The following ZNF80 variants were observed in gnomAD, a reference collection of about 807,000 sequenced individuals.
The protein encoded by ZNF80 is ZNFPT17.
For synonymous variants in ZNF80, 132 were observed against 119.4 expected (o/e 1.11, Z -0.69); for missense variants, 394 against 334.1 (o/e 1.18, Z -1.40).
chr3:114,235,935 C>T lies in ZNF80; in HGVS notation c.*318G>A, dbSNP rs554577780. 162 of 227,264 alleles carry T rather than the reference C, an allele frequency of 7.1e-4. No individual in the cohort carries two copies. In the South Asian group the frequency reaches 7.2e-3, roughly 10 times the overall value. The allele number at this position is 227,264 out of a possible 1,614,324, so 14.1% of individuals were successfully genotyped here. A position where few individuals can be genotyped will look rare whatever the true frequency, so the allele number is the denominator to read the frequency against. ...AAGTGCACAATAACCAACAGGTCTCCCTCCTGGAAAAATTCTCAGATGCTG... is the reference window on the plus strand; with the variant it reads ...AAGTGCACAATAACCAACAGGTCTCTCTCCTGGAAAAATTCTCAGATGCTG... On this transcript the variant is annotated 3_prime_UTR_variant, in exon 1 of 1. Coordinates refer to ENST00000482457, the MANE Select transcript of ZNF80 (RefSeq NM_007136.4).
Position 114,237,088 on chromosome 3 carries a change from G to A in ZNF80, c.-14C>T. On this transcript the variant is annotated 5_prime_UTR_variant, in exon 1 of 1. Coordinates refer to ENST00000482457, the MANE Select transcript of ZNF80 (RefSeq NM_007136.4). ...TTTAGGGCTCATCTTCCTCCAGAAGGTCTCCGTGTGGGAGACTGCAGCCAA... is the reference window on the plus strand; with the variant it reads ...TTTAGGGCTCATCTTCCTCCAGAAGATCTCCGTGTGGGAGACTGCAGCCAA... The A allele has an allele frequency of 6.4e-7, 1 of 1,571,412 alleles. No homozygotes were observed. The highest frequency in any genetic ancestry group is 8.6e-7 in the Non-Finnish European group (1 of 1,160,064).
At position 114,236,130 on chromosome 3, in the gene ZNF80, A is replaced by G; in HGVS notation, c.*123T>C. On this transcript the variant is annotated 3_prime_UTR_variant, in exon 1 of 1. Coordinates refer to ENST00000482457, the MANE Select transcript of ZNF80 (RefSeq NM_007136.4). ...AGGAATTCTTCAATGCCAAGTGAGG[A>G]TGAGCTGCAGGTCACAGCTTTCCTA... 2 of 698,764 alleles carry G rather than the reference A, an allele frequency of 2.9e-6. No homozygotes were observed. The highest frequency in any genetic ancestry group is 4.7e-6 in the Non-Finnish European group (2 of 421,192). The allele number at this position is 698,764 out of a possible 1,614,324, so 43.3% of individuals were successfully genotyped here.
rs2078205789 is a variant in ZNF80, at chr3:114,236,802, G to C, written c.273C>G (p.Asp91Glu). The change falls in exon 1 of 1, where the codon GAC (aspartate) becomes GAG (glutamate). Residue 91 changes from aspartate to glutamate, a missense_variant. Asp to Glu is a conservative substitution (Grantham distance 45). Coordinates refer to ENST00000482457, the MANE Select transcript of ZNF80 (RefSeq NM_007136.4). ...ECGKAFPEKV[D>E]FVRPMRIHTG... The stretch of plus-strand genomic sequence containing the variant: ...TGTGAATCCTCATGGGTCGAACGAA[G>C]TCGACCTTTTCAGGAAAGGCTTTTC... 1.2e-6 allele frequency: 2 copies of C among 1,614,120 alleles called. No individual in the cohort carries two copies. The highest frequency in any genetic ancestry group is 4.5e-5 in the East Asian group (2 of 44,878).
Position 114,237,094 on chromosome 3 carries a change from G to A in ZNF80, c.-20C>T, listed in dbSNP as rs747792956. ...GCTCATCTTCCTCCAGAAGGTCTCC[G>A]TGTGGGAGACTGCAGCCAAACTCAA... On this transcript the variant is annotated 5_prime_UTR_variant, in exon 1 of 1. It adds an upstream start codon to the 5' untranslated region. Coordinates refer to ENST00000482457, the MANE Select transcript of ZNF80 (RefSeq NM_007136.4). The A allele has an allele frequency of 1.9e-5, 29 of 1,561,694 alleles. No individual in the cohort carries two copies. In the East Asian group the frequency reaches 5.2e-4, roughly 28 times the overall value.
rs144045417 is a variant in ZNF80 at position 114,236,542 on chromosome 3, C to T, written c.533G>A (p.Arg178Gln). The stretch of plus-strand genomic sequence containing the variant: ...CTCTCCAGTGTGAATCTTCATGTGC[C>T]GGGTTAAGGAAGAGTTGTAGTAAAA... ...KTFYYNSSLT[R>Q]HMKIHTGEKP... Residue 178 changes from arginine (R) to glutamine (Q), a missense_variant, in exon 1 of 1, where the codon CGG (arginine) becomes CAG (glutamine). Physicochemically the swap from Arg to Gln is conservative, Grantham distance 43. Transcript: ENST00000482457. 5.0e-6 allele frequency: 8 copies of T among 1,614,088 alleles called. No homozygotes were observed. The highest frequency in any genetic ancestry group is 4.5e-5 in the East Asian group (2 of 44,896).
At position 114,235,891 on chromosome 3, in the gene ZNF80, A is replaced by C. The variant is rs1235113473; in HGVS notation, c.*362T>G. The C allele has an allele frequency of 5.7e-6, 1 of 175,224 alleles. No homozygotes were observed. The allele number at this position is 175,224 out of a possible 1,614,324, so 10.9% of individuals were successfully genotyped here. On this transcript the variant is annotated 3_prime_UTR_variant, in exon 1 of 1. Coordinates refer to ENST00000482457, the MANE Select transcript of ZNF80 (RefSeq NM_007136.4). The stretch of plus-strand genomic sequence containing the variant: ...GCTTAGTGATATAAACTATGGAGAG[A>C]GGTGTGGGTGGTTCTTTTAAGTGCA...
Position 114,236,141 on chromosome 3 carries a change from G to T in ZNF80, c.*112C>A. 1 of 768,746 alleles carries T rather than the reference G, an allele frequency of 1.3e-6. No homozygotes were observed. The highest frequency in any genetic ancestry group is 2.1e-6 in the Non-Finnish European group (1 of 477,088). The allele number at this position is 768,746 out of a possible 1,614,324, so 47.6% of individuals were successfully genotyped here. Reference sequence around the variant, plus strand: ...AATGCCAAGTGAGGATGAGCTGCAGGTCACAGCTTTCCTACTGCCACTGAA... The same window carrying T: ...AATGCCAAGTGAGGATGAGCTGCAGTTCACAGCTTTCCTACTGCCACTGAA... On this transcript the variant is annotated 3_prime_UTR_variant, in exon 1 of 1. Transcript: ENST00000482457.
Position 114,236,693 on chromosome 3 carries a change from T to C in ZNF80, c.382A>G (p.Thr128Ala). 1 of 1,614,212 alleles carries C rather than the reference T, an allele frequency of 6.2e-7. No homozygotes were observed. Among genetic ancestry groups the C allele is most frequent in the Non-Finnish European group, 8.5e-7 (1 of 1,180,034 alleles). Residue 128 changes from threonine to alanine, a missense_variant, in exon 1 of 1, where the codon ACT becomes GCT. Thr to Ala is a moderately conservative substitution (Grantham distance 58). Transcript: ENST00000482457. ...SHLLCYRQIH[T>A]GEKPYECSEC... ...CTGCACTCATAGGGCTTCTCTCCAG[T>C]GTGAATCTGGCGGTAGCACAGGAGG...
chr3:114,236,908 C>T lies in ZNF80; in HGVS notation c.167G>A (p.Ser56Asn), dbSNP rs1159997936. The T allele has an allele frequency of 6.2e-7, 1 of 1,614,216 alleles. No individual in the cohort carries two copies. The highest frequency in any genetic ancestry group is 1.7e-5 in the Admixed American group (1 of 60,034). The change falls in exon 1 of 1, where the codon AGC becomes AAC. Residue 56 changes from serine (S) to asparagine (N), a missense_variant. By Grantham distance (46) the Ser-to-Asn change is conservative. Coordinates refer to ENST00000482457, the MANE Select transcript of ZNF80 (RefSeq NM_007136.4). Reference sequence around the variant, plus strand: ...AAGGAGGCTGTTTTTGTTAAACACGCTCCCACATTCCTTGCATTTGTAGGT... The same window carrying T: ...AAGGAGGCTGTTTTTGTTAAACACGTTCCCACATTCCTTGCATTTGTAGGT... ...GKTYKCKECG[S>N]VFNKNSLLVR...
Position 114,236,764 on chromosome 3 carries a change from G to A in ZNF80, c.311C>T (p.Pro104Leu). 1.9e-6 allele frequency: 3 copies of A among 1,614,108 alleles called. No homozygotes were observed. Among genetic ancestry groups the A allele is most frequent in the Non-Finnish European group, 2.5e-6 (3 of 1,180,000 alleles). Residue 104 changes from proline to leucine, a missense_variant, in exon 1 of 1, where the codon CCC becomes CTC. By Grantham distance (98) the Pro-to-Leu change is moderately conservative (BLOSUM62 -3). Coordinates refer to ENST00000482457, the MANE Select transcript of ZNF80 (RefSeq NM_007136.4). ...CTTCCCGCACTCCACGCACTTACAG[G>A]GCTTCTCCCCTGTGTGAATCCTCAT... ...RPMRIHTGEK[P>L]CKCVECGKVF...
chr3:114,236,720 G>C lies in ZNF80; in HGVS notation c.355C>G (p.His119Asp). ...TGAATCTGGCGGTAGCACAGGAGGTGCGACCTGCGGTTGAAGACCTTCCCG... is the reference window on the plus strand; with the variant it reads ...TGAATCTGGCGGTAGCACAGGAGGTCCGACCTGCGGTTGAAGACCTTCCCG... Reference protein sequence around the residue: ...ECGKVFNRRSHLLCYRQIHTG... With the variant: ...ECGKVFNRRSDLLCYRQIHTG... Residue 119 changes from histidine to aspartate, a missense_variant, in exon 1 of 1, where the codon CAC (histidine) becomes GAC (aspartate). Physicochemically the swap from His to Asp is moderately conservative, Grantham distance 81. Coordinates refer to ENST00000482457, the MANE Select transcript of ZNF80 (RefSeq NM_007136.4). The C allele has an allele frequency of 6.2e-7, 1 of 1,613,924 alleles. No individual in the cohort carries two copies. The highest frequency in any genetic ancestry group is 1.1e-5 in the South Asian group (1 of 91,070).
chr3:114,235,157 T>G lies in ZNF80; in HGVS notation c.*1096A>C, dbSNP rs2078196080. 1.3e-5 allele frequency: 2 copies of G among 152,234 alleles called. No homozygotes were observed. The allele number at this position is 152,234 out of a possible 1,614,324, so 9.4% of individuals were successfully genotyped here. A position where few individuals can be genotyped will look rare whatever the true frequency, so the allele number is the denominator to read the frequency against. ...ATTTTTTTCTGAGTTTCTCATTAGA[T>G]TAGATAAGCTGTGTTTTGTTTTGTT... On this transcript the variant is annotated 3_prime_UTR_variant, in exon 1 of 1. Coordinates refer to ENST00000482457, the MANE Select transcript of ZNF80 (RefSeq NM_007136.4).
In ZNF80 at chr3:114,236,332, A is replaced by T. The variant is rs2078201899; in HGVS notation, c.743T>A (p.Leu248His). The T allele has an allele frequency of 1.2e-6, 2 of 1,614,016 alleles. No individual in the cohort carries two copies. The highest frequency in any genetic ancestry group is 8.5e-7 in the Non-Finnish European group (1 of 1,179,920). ...GTAGCCAAAGTCCTTTCTATGTTCA[A>T]GGCACTCATAAGGTTTCTCTCCAGT... Reference protein sequence around the residue: ...SHTGEKPYECLEHRKDFGYHS... With the variant: ...SHTGEKPYECHEHRKDFGYHS... Residue 248 changes from leucine (L) to histidine (H), a missense_variant, in exon 1 of 1, where the codon CTT becomes CAT. Leu to His is a moderately conservative substitution (Grantham distance 99). Transcript: ENST00000482457.
chr3:114,236,812 T>C lies in ZNF80; in HGVS notation c.263A>G (p.Glu88Gly). 6.2e-7 allele frequency: 1 copy of C among 1,614,154 alleles called. No homozygotes were observed. The highest frequency in any genetic ancestry group is 1.1e-5 in the South Asian group (1 of 91,066). Residue 88 changes from glutamate (E) to glycine (G), a missense_variant, in exon 1 of 1, where the codon GAA becomes GGA. Transcript: ENST00000482457. ...ECQECGKAFP[E>G]KVDFVRPMRI... ...CATGGGTCGAACGAAGTCGACCTTTTCAGGAAAGGCTTTTCCACACTCCTG... is the reference window on the plus strand; with the variant it reads ...CATGGGTCGAACGAAGTCGACCTTTCCAGGAAAGGCTTTTCCACACTCCTG...
In ZNF80 at chr3:114,236,534, T is replaced by C. The variant is rs757635745; in HGVS notation, c.541A>G (p.Lys181Glu). 1 of 1,614,050 alleles carries C rather than the reference T, an allele frequency of 6.2e-7. No homozygotes were observed. Among genetic ancestry groups the C allele is most frequent in the African/African-American group, 1.3e-5 (1 of 75,006 alleles). The change falls in exon 1 of 1, where the codon AAG becomes GAG. Residue 181 changes from lysine (K) to glutamate (E), a missense_variant. By Grantham distance (56) the Lys-to-Glu change is moderately conservative (BLOSUM62 1). Transcript: ENST00000482457. ...YYNSSLTRHM[K>E]IHTGEKPCKC... is the part of the protein sequence containing the mutation. ...CAGGGCTTCTCTCCAGTGTGAATCT[T>C]CATGTGCCGGGTTAAGGAAGAGTTG... is the stretch of plus-strand genomic sequence containing the variant.
rs764152826 is a variant in ZNF80 at position 114,237,030 on chromosome 3, G to A, written c.45C>T (p.His15=). The A allele has an allele frequency of 8.7e-6, 14 of 1,612,222 alleles. No homozygotes were observed. The South Asian group carries it at 1.5e-4, about 18-fold the overall frequency. Residue 15 remains histidine (H), a synonymous_variant, in exon 1 of 1, where the codon CAC becomes CAT. Transcript: ENST00000482457. The part of the protein sequence containing the change: ...RDGLGTGDGL[H]SQVLQEQVST... ...AGACCTGCTCCTGTAAAACCTGTGA[G>A]TGCAGACCATCACCTGTCCCCAACC...
chr3:114,236,486 T>A lies in ZNF80; in HGVS notation c.589A>T (p.Thr197Ser). Reference protein sequence around the residue: ...KPCKCSECGKTFTYRSVFFRH... With the variant: ...KPCKCSECGKSFTYRSVFFRH... ...AAGAAAACAGAGCGGTAGGTGAAGG[T>A]CTTCCCGCACTCACTGCACTTGCAG... The change falls in exon 1 of 1, where the codon ACC (threonine) becomes TCC (serine). Residue 197 changes from threonine to serine, a missense_variant. By Grantham distance (58) the Thr-to-Ser change is moderately conservative. Coordinates refer to ENST00000482457, the MANE Select transcript of ZNF80 (RefSeq NM_007136.4). 6.2e-7 allele frequency: 1 copy of A among 1,612,774 alleles called. No homozygotes were observed. The highest frequency in any genetic ancestry group is 1.1e-5 in the South Asian group (1 of 91,048).
chr3:114,236,805 G>A lies in ZNF80; in HGVS notation c.270C>T (p.Val90=), dbSNP rs111785883. The A allele has an allele frequency of 1.1e-5, 17 of 1,614,016 alleles. No homozygotes were observed. The African/African-American group carries it at 1.9e-4, about 18-fold the overall frequency. The change falls in exon 1 of 1, where the codon GTC becomes GTT. Residue 90 remains valine, a synonymous_variant. Coordinates refer to ENST00000482457, the MANE Select transcript of ZNF80 (RefSeq NM_007136.4). ...GAATCCTCATGGGTCGAACGAAGTC[G>A]ACCTTTTCAGGAAAGGCTTTTCCAC... The part of the protein sequence containing the change: ...QECGKAFPEK[V]DFVRPMRIHT...
In ZNF80 at chr3:114,235,221, A is replaced by G. The variant is rs1342798840; in HGVS notation, c.*1032T>C. The G allele has an allele frequency of 6.6e-6, 1 of 152,198 alleles. No individual in the cohort carries two copies. The highest frequency in any genetic ancestry group is 2.1e-4 in the South Asian group (1 of 4,830). 9.4% of individuals were successfully genotyped at this position (152,198 alleles called of 1,614,324 possible). ...GTTTAACTTCTAGAAAACTAGTGAC[A>G]TGCTCTTGGAGAAGCCCCTCTTACA... is the stretch of plus-strand genomic sequence containing the variant. On this transcript the variant is annotated 3_prime_UTR_variant, in exon 1 of 1. Coordinates refer to ENST00000482457, the MANE Select transcript of ZNF80 (RefSeq NM_007136.4).
Sources: allele counts gnomAD v4.1 joint callset, GRCh38; gene constraint gnomAD v4.1.1; transcripts MANE v1.5; gene names NCBI Gene and HGNC (gene_info 2026-07-23, HGNC 2026-07-21).